Variants in RAPGEF2 observed in about 807,000 individuals in gnomAD.
RAPGEF2 encodes the protein PDZ domain containing guanine nucleotide exchange factor (GEF) 1.
RAPGEF2 carries 54 observed loss-of-function variants against 186.7 expected under a neutral mutation model. The observed-to-expected ratio is 0.29, with a 90% CI of 0.23 to 0.36. RAPGEF2 has a LOEUF of 0.36. RAPGEF2 is among the 10% of genes least tolerant of loss of function. The pLI, the probability that RAPGEF2 is intolerant of heterozygous loss-of-function variation, is 1.00. For synonymous variants in RAPGEF2, 712 were observed against 705.9 expected (o/e 1.01, Z -0.14); for missense variants, 1,532 against 2,045.0 (o/e 0.75, Z 4.84).
chr4:159,149,879 T>C (rs543400286), intron 1 of RAPGEF2, among the ~76,000 whole-genome samples: 9 of 152,284 alleles, frequency 5.9e-5, no homozygotes, highest in African/African-American at 1.7e-4. Flanking sequence ...CATAAACAGA[T>C]GTGATGTTGA....
intron 7 of RAPGEF2, among the ~76,000 whole-genome samples, chr4:159,285,202 G>A (rs1760297720): frequency 6.6e-6 from 1 of 152,064 alleles, no homozygotes; most frequent in African/African-American, 2.4e-5. Flanking sequence ...TTTACATGAA[G>A]CTATCTAGTT....
chr4:159,284,481 GACACACACACACACAC>G (rs36232973), intron 7 of RAPGEF2, among the ~76,000 whole-genome samples: 5,318 of 140,390 alleles, frequency 0.038, 166 homozygotes, highest in African/African-American at 0.068. Context: ...CCGCCATGGA[GACACACACACACACAC>G]ACACACACAC....
intron 1 of RAPGEF2, among the ~76,000 whole-genome samples, chr4:159,164,548 T>C (rs1745091507): frequency 6.6e-6 from 1 of 152,138 alleles, no homozygotes; most frequent in South Asian, 2.1e-4. Context: ...TAGATATAAA[T>C]TATCTACATG....
chr4:159,331,760 G>A lies in RAPGEF2; in HGVS notation c.1706G>A (p.Gly569Glu). 6.2e-7 allele frequency: 1 copy of A among 1,614,106 alleles called. No individual in the cohort carries two copies. The highest frequency in any genetic ancestry group is 8.5e-7 in the Non-Finnish European group (1 of 1,180,002). The change falls in exon 15 of 30, where the codon GGA (glycine) becomes GAA (glutamate). Residue 569 changes from glycine (G) to glutamate (E), a missense_variant. Physicochemically the swap from Gly to Glu is moderately conservative, Grantham distance 98 (BLOSUM62 -2). Around this residue, in one of 4 missense-constraint regions of RAPGEF2, gnomAD observed 810 missense variants for 1,210.5 expected, o/e 0.67. Transcript: ENST00000691494. ...ATCTTACTTGGAGGCTCTGAGAAGG[G>A]ATTTGGAATCTTTGTTGACAGTGTA... is the stretch of plus-strand genomic sequence containing the variant. ...PFILLGGSEKGFGIFVDSVDS... is the reference protein window; with the variant it reads ...PFILLGGSEKEFGIFVDSVDS...
At chr4:159,165,999 G>T (rs1456968577) in intron 1 of RAPGEF2, among the ~76,000 whole-genome samples, 1 of 152,156 alleles carries the variant, frequency 6.6e-6, no homozygotes, top group East Asian at 1.9e-4. Flanking sequence ...AGTAGGACTA[G>T]TCAAAAGTGG....
At chr4:159,178,362 C>T (rs779142672) in intron 1 of RAPGEF2, among the ~76,000 whole-genome samples, 9 of 151,910 alleles carry the variant, frequency 5.9e-5, no homozygotes, top group African/African-American at 1.9e-4. Context: ...GATCATATTA[C>T]GACATACTGT....
chr4:159,131,517 C>CTTTTTTTT (rs1279175651), intron 1 of RAPGEF2, among the ~76,000 whole-genome samples: 1 of 35,410 alleles, frequency 2.8e-5, no homozygotes, highest in Non-Finnish European at 5.0e-5. Context: ...TGATTAATTG[C>CTTTTTTTT]TATTTTTTTT....
intron 17 of RAPGEF2, among the ~76,000 whole-genome samples, chr4:159,337,641 G>A (rs1767613367): frequency 6.6e-6 from 1 of 151,882 alleles, no homozygotes; most frequent in Non-Finnish European, 1.5e-5. Context: ...TGTAATCCTA[G>A]CACTTTGGGA....
intron 6 of RAPGEF2, among the ~76,000 whole-genome samples, chr4:159,242,391 T>G (rs1754123296): frequency 6.6e-6 from 1 of 151,918 alleles, no homozygotes; most frequent in African/African-American, 2.4e-5. Flanking sequence ...AAATACAAAA[T>G]GCATGGGAAA....
intron 7 of RAPGEF2, among the ~76,000 whole-genome samples, chr4:159,256,937 T>TC (rs1337797376): frequency 1.3e-5 from 2 of 152,158 alleles, no homozygotes; most frequent in East Asian, 3.9e-4. Flanking sequence ...ACTCTGGATA[T>TC]TAGACCTTTG....
intron 8 of RAPGEF2, among the ~76,000 whole-genome samples, chr4:159,306,337 C>T (rs146532176): frequency 1.3e-5 from 2 of 152,106 alleles, no homozygotes; most frequent in East Asian, 3.9e-4. Flanking sequence ...CCTTGTAAAG[C>T]TCTTTCACCT....
intron 11 of RAPGEF2, among the ~76,000 whole-genome samples, chr4:159,325,866 G>A (rs193015145): frequency 1.3e-4 from 20 of 152,284 alleles, no homozygotes; most frequent in Admixed American, 9.2e-4. Context: ...TATTTACAAA[G>A]TGAGGGATTA....
intron 9 of RAPGEF2, 35 bp downstream of exon 9, chr4:159,314,803 T>C (rs768410695): frequency 6.5e-7 from 1 of 1,543,480 alleles, no homozygotes; most frequent in Non-Finnish European, 8.7e-7. Flanking sequence ...CTACGAGCAA[T>C]TAAAAAGATT....
chr4:159,303,102 G>T (rs186232123), intron 7 of RAPGEF2, among the ~76,000 whole-genome samples: 1 of 152,258 alleles, frequency 6.6e-6, no homozygotes, highest in East Asian at 1.9e-4. Context: ...ACTTAAGGTA[G>T]AGAGGGGTGT....
At chr4:159,241,148 TA>T (rs2111475809) in intron 5 of RAPGEF2, 52 bp from the exon 6 acceptor site, 1 of 1,323,954 alleles carries the variant, frequency 7.6e-7, no homozygotes, top group Middle Eastern at 2.0e-4. Context: ...TATCTAATAT[TA>T]ATAGGAAATG....
chr4:159,348,265 TG>T (rs1294385599), intron 25 of RAPGEF2, among the ~76,000 whole-genome samples: 6 of 151,284 alleles, frequency 4.0e-5, no homozygotes, highest in African/African-American at 1.5e-4. Context: ...GATGGATGGA[TG>T]GATGGATGGA....
chr4:159,193,557 A>G (rs1230608066), intron 3 of RAPGEF2, among the ~76,000 whole-genome samples: 1 of 152,182 alleles, frequency 6.6e-6, no homozygotes, highest in Non-Finnish European at 1.5e-5. Flanking sequence ...AGTTTTTCTA[A>G]TGGAACAAAA....
At chr4:159,245,475 G>A (rs531219458) in intron 7 of RAPGEF2, among the ~76,000 whole-genome samples, 1 of 152,142 alleles carries the variant, frequency 6.6e-6, no homozygotes, top group East Asian at 1.9e-4. Context: ...AAGATTTGGG[G>A]TCTGTCACTA....
intron 8 of RAPGEF2, among the ~76,000 whole-genome samples, chr4:159,308,149 T>G (rs1763530114): frequency 6.6e-6 from 1 of 152,200 alleles, no homozygotes. Context: ...TGAGAGTTCC[T>G]AATTGCTCTA....
Sources: gnomAD v4.1 joint callset for allele counts (sites outside exome capture counted in the v4.1 genomes callset) on GRCh38, gnomAD v4.1.1 for gene constraint, gnomAD v4.1.1 regional missense constraint, MANE v1.5 for transcripts, NCBI Gene and HGNC (gene_info 2026-07-23, HGNC 2026-07-21) for gene names.